Variants in MEIS2 observed in about 807,000 individuals in gnomAD.
MEIS2 encodes the protein homeobox protein Meis2.
Under a neutral mutation model 58.6 loss-of-function variants are expected in MEIS2, and 9 were observed. That is an observed-to-expected ratio of 0.15 (90% CI 0.09 to 0.27). The LOEUF is 0.27. MEIS2 is among the 10% of genes least tolerant of loss of function. The pLI, the probability that MEIS2 is intolerant of heterozygous loss-of-function variation, is 1.00. For missense variants in MEIS2, 427 were observed against 635.0 expected (o/e 0.67, Z 3.52); for synonymous variants, 221 against 228.4 (o/e 0.97, Z 0.29).
intron 7 of MEIS2, among the ~76,000 whole-genome samples, chr15:37,039,166 T>C (rs1309207845): frequency 2.6e-5 from 4 of 152,190 alleles, no homozygotes; most frequent in Non-Finnish European, 4.4e-5. Context: ...AAGTTTGAAG[T>C]CAGTCAGTCT....
At chr15:36,894,657 AAAAAT>A in intron 11 of MEIS2, 6 of 1,380,850 alleles carry the variant, frequency 4.3e-6, no homozygotes, top group Non-Finnish European at 6.1e-6. Flanking sequence ...GCAAATTATA[AAAAAT>A]AAAATAAAGT....
chr15:37,039,685 G>A (rs1339852525), intron 7 of MEIS2, among the ~76,000 whole-genome samples: 3 of 152,088 alleles, frequency 2.0e-5, no homozygotes, highest in Non-Finnish European at 4.4e-5. Flanking sequence ...GAAGACAGGA[G>A]CATCACATAA....
At chr15:36,961,982 C>T (rs962038704) in intron 8 of MEIS2, among the ~76,000 whole-genome samples, 1 of 152,038 alleles carries the variant, frequency 6.6e-6, no homozygotes, top group Non-Finnish European at 1.5e-5. Context: ...ATTTAGGAAG[C>T]CCTGAAAATG....
intron 8 of MEIS2, among the ~76,000 whole-genome samples, chr15:36,992,430 A>G (rs2141559895): frequency 6.6e-6 from 1 of 152,280 alleles, no homozygotes; most frequent in Admixed American, 6.5e-5. Context: ...TGAATATTAA[A>G]ACATCCTGAA....
At chr15:36,981,665 A>T (rs1470795373) in intron 8 of MEIS2, among the ~76,000 whole-genome samples, 1 of 152,058 alleles carries the variant, frequency 6.6e-6, no homozygotes, top group Non-Finnish European at 1.5e-5. Context: ...TGTCAAATTG[A>T]CTGGGTTAAG....
intron 6 of MEIS2, among the ~76,000 whole-genome samples, chr15:37,093,286 A>T (rs1465404977): frequency 6.6e-6 from 1 of 152,220 alleles, no homozygotes; most frequent in African/African-American, 2.4e-5. Flanking sequence ...GACTATATCA[A>T]ACAGAATTTG....
intron 10 of MEIS2, 67 bp from the exon 11 acceptor site, chr15:36,895,328 T>C (rs2056116225): frequency 1.5e-6 from 2 of 1,375,624 alleles, no homozygotes; most frequent in Non-Finnish European, 2.1e-6. Flanking sequence ...TCAGCAATTG[T>C]TCCCGCTGCA....
At chr15:36,979,716 A>C (rs1344640649) in intron 8 of MEIS2, among the ~76,000 whole-genome samples, 1 of 147,508 alleles carries the variant, frequency 6.8e-6, no homozygotes, top group Non-Finnish European at 1.5e-5. Context: ...TATAATATAT[A>C]TGAATTACAT....
chr15:37,019,254 G>A (rs2061445074), intron 8 of MEIS2, among the ~76,000 whole-genome samples: 1 of 152,052 alleles, frequency 6.6e-6, no homozygotes, highest in Admixed American at 6.6e-5. Context: ...AACCAAAGTC[G>A]ATCTGAGCAC....
chr15:37,020,624 G>A (rs1381775174), intron 8 of MEIS2, among the ~76,000 whole-genome samples: 1 of 151,038 alleles, frequency 6.6e-6, no homozygotes, highest in Non-Finnish European at 1.5e-5. Flanking sequence ...TTAGTGCCTG[G>A]GTCTAGCAAA....
At position 37,099,562 on chromosome 15, in the gene MEIS2, T is replaced by A. The variant is rs1480519733; in HGVS notation, c.-96A>T. 1 of 1,545,054 alleles carries A rather than the reference T, an allele frequency of 6.5e-7. No homozygotes were observed. Among genetic ancestry groups the A allele is most frequent in the East Asian group, 2.3e-5 (1 of 43,848 alleles). ...TAGGCTGAAGATTCCTTTTTTTTTT[T>A]TCCAAACCAAAGAGACTTCTCCCAA... On this transcript the variant is annotated 5_prime_UTR_variant, in exon 1 of 12. Transcript: ENST00000561208.
At chr15:37,087,939 C>T (rs1416267608) in intron 6 of MEIS2, among the ~76,000 whole-genome samples, 1 of 151,968 alleles carries the variant, frequency 6.6e-6, no homozygotes, top group African/African-American at 2.4e-5. Context: ...ATGTATGAGG[C>T]TTCAAGGAGA....
chr15:36,942,969 C>A (rs899728551), intron 9 of MEIS2, among the ~76,000 whole-genome samples: 1 of 152,044 alleles, frequency 6.6e-6, no homozygotes, highest in Non-Finnish European at 1.5e-5. Context: ...CATTTACAAG[C>A]CCCCTTTCTA....
chr15:36,892,034 T>C lies in MEIS2; in HGVS notation c.*139A>G, dbSNP rs2141211680. 2.2e-6 allele frequency: 2 copies of C among 905,954 alleles called. No homozygotes were observed. Among genetic ancestry groups the C allele is most frequent in the South Asian group, 3.2e-5 (2 of 63,236 alleles). The allele number at this position is 905,954 out of a possible 1,614,324, so 56.1% of individuals were successfully genotyped here. A position where few individuals can be genotyped will look rare whatever the true frequency, so the allele number is the denominator to read the frequency against. The stretch of plus-strand genomic sequence containing the variant: ...TGTTCTTGTTGCATTGGTCCTCTGT[T>C]GCTTGATGAAAAATGACAAAAGTAA... On this transcript the variant is annotated 3_prime_UTR_variant, in exon 12 of 12. Transcript: ENST00000561208.
At chr15:37,096,145 G>A (rs759786451) in intron 3 of MEIS2, 144 bp downstream of exon 3, 1 of 847,804 alleles carries the variant, frequency 1.2e-6, no homozygotes, top group Non-Finnish European at 1.8e-6. Flanking sequence ...CAGGCTCAGG[G>A]ATGGGGAGGA....
intron 11 of MEIS2, among the ~76,000 whole-genome samples, chr15:36,893,050 A>G (rs188829203): frequency 5.7e-4 from 87 of 152,332 alleles, no homozygotes; most frequent in African/African-American, 1.9e-3. Flanking sequence ...TAAGAAGTCA[A>G]TGTGAGGTCA....
intron 7 of MEIS2, among the ~76,000 whole-genome samples, chr15:37,073,794 C>A (rs1305062641): frequency 6.6e-6 from 1 of 152,028 alleles, no homozygotes; most frequent in African/African-American, 2.4e-5. Context: ...CACTCCCAGT[C>A]TACTTTCGTA....
intron 7 of MEIS2, among the ~76,000 whole-genome samples, chr15:37,062,347 T>C (rs996521894): frequency 3.9e-5 from 6 of 152,222 alleles, no homozygotes; most frequent in Non-Finnish European, 8.8e-5. Flanking sequence ...ATTGCTAAAG[T>C]AGGCCAAGAA....
chr15:36,968,827 T>A (rs2059437961), intron 8 of MEIS2, among the ~76,000 whole-genome samples: 1 of 152,164 alleles, frequency 6.6e-6, no homozygotes, highest in African/African-American at 2.4e-5. Flanking sequence ...AGAGTAAGGT[T>A]CTCAATAAAA....
Sources: allele counts gnomAD v4.1 joint callset (sites outside exome capture counted in the v4.1 genomes callset), GRCh38; gene constraint gnomAD v4.1.1; transcripts MANE v1.5; gene names NCBI Gene and HGNC (gene_info 2026-07-23, HGNC 2026-07-21).